HS3ST4: variants seen among roughly 807,000 people sequenced by gnomAD.
The protein encoded by HS3ST4 is heparan sulfate glucosamine 3-O-sulfotransferase 4.
HS3ST4 carries 17 observed loss-of-function variants against 29.2 expected under a neutral mutation model. That is an observed-to-expected ratio of 0.58 (90% CI 0.40 to 0.87). The LOEUF is 0.87. Among genes scored for constraint, HS3ST4 ranks in the 40% least tolerant of loss-of-function variants. The pLI is 0.00. For missense variants in HS3ST4, 627 were observed against 634.5 expected, an observed-to-expected ratio of 0.99 and a Z score of 0.13; for synonymous variants, 314 against 285.7, an observed-to-expected ratio of 1.10 and a Z score of -1.00.
At chr16:26,035,981 G>C (rs935141137) in intron 1 of HS3ST4, among the ~76,000 whole-genome samples, 1 of 152,208 alleles carries the variant, frequency 6.6e-6, no homozygotes, top group African/African-American at 2.4e-5. Flanking sequence ...TGTGGATACT[G>C]GGTAGGTAAA....
intron 1 of HS3ST4, among the ~76,000 whole-genome samples, chr16:25,959,887 C>A (rs781693387): frequency 6.6e-6 from 1 of 152,112 alleles, no homozygotes; most frequent in African/African-American, 2.4e-5. Flanking sequence ...GTAATCCCAG[C>A]ACTTTGGGAG....
intron 1 of HS3ST4, among the ~76,000 whole-genome samples, chr16:25,977,772 C>T (rs1019333113): frequency 6.6e-6 from 1 of 152,214 alleles, no homozygotes; most frequent in African/African-American, 2.4e-5. Flanking sequence ...GTAGCAACCA[C>T]AGCTGTTGAC....
intron 1 of HS3ST4, among the ~76,000 whole-genome samples, chr16:25,882,510 T>C (rs1967904563): frequency 2.0e-5 from 3 of 152,298 alleles, no homozygotes; most frequent in South Asian, 2.1e-4. Context: ...GGATTGTCTT[T>C]CCAGCAAATG....
At chr16:25,994,281 T>A (rs984321736) in intron 1 of HS3ST4, among the ~76,000 whole-genome samples, 2 of 152,166 alleles carry the variant, frequency 1.3e-5, no homozygotes, top group Non-Finnish European at 2.9e-5. Context: ...TCCTTACTAT[T>A]TGCTTCTCAC....
chr16:25,753,120 C>CTT (rs1966732577), intron 1 of HS3ST4, among the ~76,000 whole-genome samples: 1 of 152,188 alleles, frequency 6.6e-6, no homozygotes, highest in South Asian at 2.1e-4. Flanking sequence ...GGAAGTCAGT[C>CTT]TATAAATAAG....
chr16:25,822,325 C>T (rs1439458746), intron 1 of HS3ST4, among the ~76,000 whole-genome samples: 2 of 152,196 alleles, frequency 1.3e-5, no homozygotes, highest in East Asian at 1.9e-4. Flanking sequence ...AGTATTGGTC[C>T]GATTTATGAG....
chr16:25,934,446 A>G (rs192505130), intron 1 of HS3ST4, among the ~76,000 whole-genome samples: 23 of 152,326 alleles, frequency 1.5e-4, no homozygotes, highest in Admixed American at 1.0e-3. Context: ...ACGAGCAACT[A>G]TGACTTTTTG....
At chr16:25,738,092 G>C (rs1966623196) in intron 1 of HS3ST4, among the ~76,000 whole-genome samples, 1 of 152,008 alleles carries the variant, frequency 6.6e-6, no homozygotes, top group South Asian at 2.1e-4. Flanking sequence ...TTTTAGTAGA[G>C]ATGGGGTTTC....
chr16:25,773,908 A>G (rs901284774), intron 1 of HS3ST4, among the ~76,000 whole-genome samples: 2 of 151,766 alleles, frequency 1.3e-5, no homozygotes, highest in Non-Finnish European at 2.9e-5. Flanking sequence ...CCTTTAAACC[A>G]GCCCCCCTAA....
At chr16:25,902,482 T>C (rs1036257732) in intron 1 of HS3ST4, among the ~76,000 whole-genome samples, 1 of 151,224 alleles carries the variant, frequency 6.6e-6, no homozygotes, top group African/African-American at 2.4e-5. Flanking sequence ...TGAGATCCTA[T>C]CTCAAAAAAA....
chr16:25,925,851 G>A (rs1256385271), intron 1 of HS3ST4, among the ~76,000 whole-genome samples: 2 of 152,082 alleles, frequency 1.3e-5, no homozygotes, highest in East Asian at 3.9e-4. Context: ...TAGGTGGAAT[G>A]CCTCCACCAT....
intron 1 of HS3ST4, among the ~76,000 whole-genome samples, chr16:25,891,694 A>T (rs780807829): frequency 1.7e-4 from 26 of 152,224 alleles, no homozygotes; most frequent in Non-Finnish European, 2.8e-4. Context: ...GGATGTTAAA[A>T]TGATGTTGTA....
At chr16:26,094,836 C>G (rs148656448) in intron 1 of HS3ST4, among the ~76,000 whole-genome samples, 1,527 of 152,250 alleles carry the variant, frequency 0.01, 19 homozygotes, top group South Asian at 0.021. Flanking sequence ...GATAAAGAGT[C>G]AAGACCCATC....
rs1596685809 is a variant in HS3ST4, at chr16:26,113,296, T to C, written c.735-22316T>C. Among the ~76,000 whole-genome samples, 3 of 151,942 alleles carry C rather than the reference T, an allele frequency of 2.0e-5. No individual in the cohort carries two copies. In the South Asian group the frequency reaches 6.2e-4, roughly 32 times the overall value. ...TCCGTCTCTACTAAAAATACCAAAA[T>C]TTAGCTGGGTGTAGCGGCGGGCACC... On this transcript the variant is annotated intron_variant, in intron 1 of 1. Coordinates refer to ENST00000331351, the MANE Select transcript of HS3ST4 (RefSeq NM_006040.3).
At chr16:26,035,725 A>G (rs894847091) in intron 1 of HS3ST4, among the ~76,000 whole-genome samples, 5 of 152,080 alleles carry the variant, frequency 3.3e-5, no homozygotes, top group African/African-American at 9.7e-5. Context: ...CTCACATGCA[A>G]TCTCTCCCTC....
chr16:25,853,527 A>C (rs1440896173), intron 1 of HS3ST4, among the ~76,000 whole-genome samples: 1 of 152,126 alleles, frequency 6.6e-6, no homozygotes, highest in East Asian at 1.9e-4. Flanking sequence ...GTTTGAGGTT[A>C]GTTGTGTACT....
In HS3ST4 at chr16:25,778,137, A is replaced by AT. The variant is rs1555465308; in HGVS notation, c.734+84986_734+84987insT. ...ACTCATATACACACATACATACTAA[A>AT]ATATATATATATATTTTTTCTACAA... is the stretch of plus-strand genomic sequence containing the variant. On this transcript the variant is annotated intron_variant, in intron 1 of 1. Coordinates refer to ENST00000331351, the MANE Select transcript of HS3ST4 (RefSeq NM_006040.3). 6.3e-3 allele frequency among the ~76,000 whole-genome samples: 953 copies of AT among 151,526 alleles called. 6 individuals carry two copies. Among genetic ancestry groups the AT allele is most frequent in the Non-Finnish European group, 9.7e-3 (657 of 67,850 alleles).
At chr16:25,771,045 C>T (rs1467106034) in intron 1 of HS3ST4, among the ~76,000 whole-genome samples, 1 of 151,774 alleles carries the variant, frequency 6.6e-6, no homozygotes, top group Non-Finnish European at 1.5e-5. Context: ...CGTAGGTATA[C>T]ACGTGCCATG....
intron 1 of HS3ST4, among the ~76,000 whole-genome samples, chr16:25,796,577 A>G (rs1310856279): frequency 1.3e-5 from 2 of 152,202 alleles, no homozygotes; most frequent in Non-Finnish European, 2.9e-5. Flanking sequence ...AATGACATTT[A>G]ACATTTTGGG....
Sources: allele counts gnomAD v4.1 joint callset (sites outside exome capture counted in the v4.1 genomes callset), GRCh38; gene constraint gnomAD v4.1.1; transcripts MANE v1.5; gene names NCBI Gene and HGNC (gene_info 2026-07-23, HGNC 2026-07-21).